The following GDI2 variants were observed in gnomAD, a reference collection of about 807,000 sequenced individuals.
The protein encoded by GDI2 is rab GDP dissociation inhibitor beta.
In GDI2, 22 loss-of-function variants were observed where a neutral mutation model predicts 54.2. The ratio of observed to expected loss-of-function variants is 0.41; its 90% CI spans 0.29 to 0.58. The LOEUF (loss-of-function observed/expected upper bound fraction) is 0.58. Among genes scored for constraint, GDI2 ranks in the 20% least tolerant of loss-of-function variants. The probability of loss-of-function intolerance (pLI) is 0.35; values close to 1 mark genes in which losing one functional copy is unlikely to be tolerated. For missense variants in GDI2, 422 were observed against 546.0 expected (o/e 0.77, Z 2.26); for synonymous variants, 177 against 182.1 (o/e 0.97, Z 0.23).
chr10:5,788,190 GTT>G (rs201960811), intron 4 of GDI2, among the ~76,000 whole-genome samples: 1 of 147,180 alleles, frequency 6.8e-6, no homozygotes, highest in East Asian at 2.0e-4. Flanking sequence ...TTCCTACTGT[GTT>G]TTTTTTTTTT....
At chr10:5,783,746 T>C (rs1329938479) in intron 6 of GDI2, among the ~76,000 whole-genome samples, 1 of 152,234 alleles carries the variant, frequency 6.6e-6, no homozygotes, top group Non-Finnish European at 1.5e-5. Context: ...GGCTGATAAC[T>C]TAAGGAGGCT....
At chr10:5,795,403 G>A (rs1246668798) in intron 3 of GDI2, among the ~76,000 whole-genome samples, 3 of 152,096 alleles carry the variant, frequency 2.0e-5, no homozygotes, top group Non-Finnish European at 2.9e-5. Flanking sequence ...TTATAGGCAC[G>A]AGGCACCGCG....
chr10:5,778,777 AC>A (rs753583781), intron 6 of GDI2, among the ~76,000 whole-genome samples: 9 of 152,214 alleles, frequency 5.9e-5, no homozygotes, highest in Non-Finnish European at 1.2e-4. Context: ...GTGATTTAAA[AC>A]AAATCAGCAA....
At chr10:5,782,681 C>A in intron 6 of GDI2, among the ~76,000 whole-genome samples, 1 of 152,188 alleles carries the variant, frequency 6.6e-6, no homozygotes, top group East Asian at 1.9e-4. Context: ...CACCTGTAAT[C>A]CCAGCACATT....
chr10:5,767,905 T>C (rs951115072), intron 8 of GDI2, among the ~76,000 whole-genome samples: 1 of 152,100 alleles, frequency 6.6e-6, no homozygotes, highest in Non-Finnish European at 1.5e-5. Context: ...CTCGGGTCAG[T>C]TAACTATTAA....
intron 7 of GDI2, among the ~76,000 whole-genome samples, chr10:5,773,004 T>C (rs1039684757): frequency 1.3e-5 from 2 of 152,188 alleles, no homozygotes; most frequent in African/African-American, 4.8e-5. Context: ...AAGGAATAAA[T>C]GAGTTTGAAA....
rs1840509437 is a variant in GDI2, at chr10:5,772,338, T to C, written c.819+1504A>G. 2.0e-5 allele frequency among the ~76,000 whole-genome samples: 3 copies of C among 152,324 alleles called. No homozygotes were observed. In the South Asian group the frequency reaches 6.2e-4, roughly 32 times the overall value. On this transcript the variant is annotated intron_variant, in intron 7 of 10. Coordinates refer to ENST00000380191, the MANE Select transcript of GDI2 (RefSeq NM_001494.4). Reference sequence around the variant, plus strand: ...CTAGTAATGTACATGTCAAACAAAATATGACTTCTTTTGTGCTTTGTAACT... The same window carrying C: ...CTAGTAATGTACATGTCAAACAAAACATGACTTCTTTTGTGCTTTGTAACT...
intron 1 of GDI2, among the ~76,000 whole-genome samples, chr10:5,812,876 C>G (rs1349607687): frequency 3.3e-5 from 5 of 152,214 alleles, no homozygotes; most frequent in African/African-American, 1.2e-4. Flanking sequence ...CCGGCCCAAA[C>G]CGGGGAGCGG....
intron 8 of GDI2, among the ~76,000 whole-genome samples, chr10:5,767,095 T>C (rs183325601): frequency 6.6e-5 from 10 of 152,236 alleles, no homozygotes; most frequent in East Asian, 5.8e-4. Flanking sequence ...GGCATAACGA[T>C]AGAATTCTCG....
In GDI2 at chr10:5,796,833, T is replaced by C; in HGVS notation, c.183A>G (p.Ser61=). 1.9e-6 allele frequency: 3 copies of C among 1,584,030 alleles called. No individual in the cohort carries two copies. The highest frequency in any genetic ancestry group is 2.6e-6 in the Non-Finnish European group (3 of 1,153,456). ...DLYKRFKIPG[S]PPESMGRGRD... ...TTCCTCTCCCCATTGACTCGGGTGG[T>C]GATCCTGGTATTTTAAATCTTTTGT... is the stretch of plus-strand genomic sequence containing the variant. The change falls in exon 3 of 11, where the codon TCA becomes TCG. Residue 61 remains serine (S), a synonymous_variant. Coordinates refer to ENST00000380191, the MANE Select transcript of GDI2 (RefSeq NM_001494.4).
At chr10:5,813,057 T>C (rs963306426) in intron 1 of GDI2, among the ~76,000 whole-genome samples, 157 bp downstream of exon 1, 16 of 151,638 alleles carry the variant, frequency 1.1e-4, no homozygotes, top group Admixed American at 1.0e-3. Context: ...GGGGCGCCCC[T>C]GAACCCGCCC....
At position 5,766,590 on chromosome 10, in the gene GDI2, C is replaced by G. The variant is rs778077425; in HGVS notation, c.1040G>C (p.Gly347Ala). The change falls in exon 9 of 11, where the codon GGG becomes GCG. Residue 347 changes from glycine to alanine, a missense_variant. Coordinates refer to ENST00000380191, the MANE Select transcript of GDI2 (RefSeq NM_001494.4). The surrounding 1 kb of genome is among the most constrained non-coding windows in gnomAD (Gnocchi z 5.8). ...TGTACTAACTATAGCAATGTACTTCCCTTGTGCTGCTACATTGTGCGCAAA... is the reference window on the plus strand; with the variant it reads ...TGTACTAACTATAGCAATGTACTTCGCTTGTGCTGCTACATTGTGCGCAAA... ...ISFAHNVAAQ[G>A]KYIAIVSTTV... The G allele has an allele frequency of 6.2e-7, 1 of 1,613,338 alleles. No individual in the cohort carries two copies. The highest frequency in any genetic ancestry group is 1.3e-5 in the African/African-American group (1 of 75,034).
rs151282944 is a variant in GDI2, at chr10:5,765,580, C to A, written c.*426G>T. 6.5e-6 allele frequency: 1 copy of A among 154,470 alleles called. No individual in the cohort carries two copies. The highest frequency in any genetic ancestry group is 1.4e-5 in the Non-Finnish European group (1 of 69,656). The allele number at this position is 154,470 out of a possible 1,614,324, so 9.6% of individuals were successfully genotyped here. On this transcript the variant is annotated 3_prime_UTR_variant, in exon 11 of 11. Coordinates refer to ENST00000380191, the MANE Select transcript of GDI2 (RefSeq NM_001494.4). Reference sequence around the variant, plus strand: ...AAATATAAAGTCATAGGGAAAACTTCCGGATGCTGTCCCAAACCGTGGAAT... The same window carrying A: ...AAATATAAAGTCATAGGGAAAACTTACGGATGCTGTCCCAAACCGTGGAAT...
intron 6 of GDI2, among the ~76,000 whole-genome samples, chr10:5,779,924 C>T (rs1213905554): frequency 6.6e-6 from 1 of 152,028 alleles, no homozygotes; most frequent in Admixed American, 6.6e-5. Flanking sequence ...AACTCCTGGG[C>T]TTCAAGCGAT....
rs1840312476 is a variant in GDI2, at chr10:5,765,873, G to GT, written c.*132dup. 9.2e-6 allele frequency: 6 copies of GT among 654,464 alleles called. No individual in the cohort carries two copies. The highest frequency in any genetic ancestry group is 1.5e-5 in the Non-Finnish European group (6 of 387,882). The allele number at this position is 654,464 out of a possible 1,614,324, so 40.5% of individuals were successfully genotyped here. ...TTAATAATTAGAAAGGTGAAGGGGA[G>GT]TATTTACTGGCACAGCGCTCTTCAT... On this transcript the variant is annotated 3_prime_UTR_variant, in exon 11 of 11. Transcript: ENST00000380191.
Position 5,776,871 on chromosome 10 carries a change from G to C in GDI2, c.720-2930C>G, listed in dbSNP as rs1382163777. 8.9e-7 allele frequency: 1 copy of C among 1,121,766 alleles called. No individual in the cohort carries two copies. The highest frequency in any genetic ancestry group is 1.3e-6 in the Non-Finnish European group (1 of 786,388). 69.5% of individuals were successfully genotyped at this position (1,121,766 alleles called of 1,614,324 possible). On this transcript the variant is annotated intron_variant, in intron 6 of 10. Coordinates refer to ENST00000380191, the MANE Select transcript of GDI2 (RefSeq NM_001494.4). The surrounding 1 kb of genome is among the most constrained non-coding windows in gnomAD (Gnocchi z 5.3). ...GATTTATGAATAATTAAAATGGAAG[G>C]CCAGAGAAGAGGGGAGAAGAGGAAA...
At chr10:5,803,090 G>A (rs1187524701) in intron 1 of GDI2, among the ~76,000 whole-genome samples, 2 of 152,208 alleles carry the variant, frequency 1.3e-5, no homozygotes, top group African/African-American at 2.4e-5. Context: ...ACAGAAGCAT[G>A]TATGTGAATT....
Position 5,813,151 on chromosome 10 carries a change from G to A in GDI2, c.45+63C>T, listed in dbSNP as rs555857740. 283 of 1,032,622 alleles carry A rather than the reference G, an allele frequency of 2.7e-4. 1 individual carries two copies. In the African/African-American group the frequency reaches 4.2e-3, roughly 15 times the overall value. The allele number at this position is 1,032,622 out of a possible 1,614,324, so 64.0% of individuals were successfully genotyped here. A position where few individuals can be genotyped will look rare whatever the true frequency, so the allele number is the denominator to read the frequency against. ...CGAGGAGCTGCGACCCGCGGGCCGT[G>A]CAGGAGCCGGGGGTGCGCCCGCCCC... On this transcript the variant is annotated intron_variant, in intron 1 of 10. Coordinates refer to ENST00000380191, the MANE Select transcript of GDI2 (RefSeq NM_001494.4).
At chr10:5,787,395 T>G (rs1485446599) in intron 4 of GDI2, among the ~76,000 whole-genome samples, 1 of 152,088 alleles carries the variant, frequency 6.6e-6, no homozygotes, top group Non-Finnish European at 1.5e-5. Context: ...TCCCAACTAC[T>G]TGGAAGGCTG....
Sources: allele counts gnomAD v4.1 joint callset (sites outside exome capture counted in the v4.1 genomes callset), GRCh38; gene constraint gnomAD v4.1.1; non-coding constraint Gnocchi (gnomAD v3.1); transcripts MANE v1.5; gene names NCBI Gene and HGNC (gene_info 2026-07-23, HGNC 2026-07-21).